MKLN1: variants seen among roughly 807,000 people sequenced by gnomAD.
The protein encoded by MKLN1 is muskelin.
In MKLN1, 18 loss-of-function variants were observed where a neutral mutation model predicts 99.0. That is an observed-to-expected ratio of 0.18 (90% CI 0.13 to 0.27). The LOEUF is 0.27. MKLN1 is among the 10% of genes least tolerant of loss of function. MKLN1 has a pLI of 1.00. For missense variants in MKLN1, 621 were observed against 875.9 expected, an observed-to-expected ratio of 0.71 and a Z score of 3.67; for synonymous variants, 288 against 293.2, an observed-to-expected ratio of 0.98 and a Z score of 0.18.
At chr7:131,263,871 G>A (rs1052557519) in intron 3 of MKLN1, among the ~76,000 whole-genome samples, 1 of 152,112 alleles carries the variant, frequency 6.6e-6, no homozygotes, top group Non-Finnish European at 1.5e-5. Context: ...CGCCCAGCCT[G>A]ATTGCACTTT....
chr7:131,364,930 TCTTTACGGTA>T (rs1367923700), intron 1 of MKLN1, among the ~76,000 whole-genome samples: 3 of 152,190 alleles, frequency 2.0e-5, no homozygotes, highest in Non-Finnish European at 2.9e-5. Flanking sequence ...TGTGCATGTG[TCTTTACGGTA>T]CTTTACGGTA....
intron 1 of MKLN1, among the ~76,000 whole-genome samples, chr7:131,128,881 T>C (rs1174204986): frequency 4.1e-5 from 6 of 147,000 alleles, no homozygotes; most frequent in African/African-American, 1.2e-4. Flanking sequence ...ACCACACGTG[T>C]GTGCCACCTC....
intron 2 of MKLN1, among the ~76,000 whole-genome samples, chr7:131,167,956 T>C (rs2116327584): frequency 6.6e-6 from 1 of 152,290 alleles, no homozygotes; most frequent in South Asian, 2.1e-4. Flanking sequence ...TATCTTTAAA[T>C]ATACACCTGA....
chr7:131,328,343 C>T (rs1798956318), intron 1 of MKLN1: 1 of 254,690 alleles, frequency 3.9e-6, no homozygotes, highest in Non-Finnish European at 7.7e-6. Flanking sequence ...TCGGAGTTGG[C>T]GGGGCCCTGC....
At chr7:131,470,059 G>T (rs924170765) in intron 15 of MKLN1, among the ~76,000 whole-genome samples, 74 of 151,960 alleles carry the variant, frequency 4.9e-4, no homozygotes, top group Admixed American at 5.9e-4. Context: ...TAGAGATGGG[G>T]TTTTGCCATG....
At chr7:131,356,672 G>A (rs1463326901) in intron 1 of MKLN1, among the ~76,000 whole-genome samples, 1 of 152,156 alleles carries the variant, frequency 6.6e-6, no homozygotes, top group Non-Finnish European at 1.5e-5. Context: ...GGGCAGTCTA[G>A]AGGTCCCCTG....
chr7:131,443,791 G>A (rs1017841887), intron 11 of MKLN1, 89 bp downstream of exon 11: 8 of 1,009,732 alleles, frequency 7.9e-6, no homozygotes, highest in South Asian at 6.9e-5. Context: ...TCTTTAGGAA[G>A]AGATTAGTGT....
intron 3 of MKLN1, among the ~76,000 whole-genome samples, chr7:131,237,831 G>A (rs574445817): frequency 6.6e-6 from 1 of 152,226 alleles, no homozygotes; most frequent in African/African-American, 2.4e-5. Flanking sequence ...TGTCATGGAA[G>A]GGATGGGAGT....
intron 8 of MKLN1, among the ~76,000 whole-genome samples, 157 bp from the exon 9 acceptor site, chr7:131,428,876 C>G (rs761579608): frequency 2.0e-5 from 3 of 151,952 alleles, no homozygotes; most frequent in Admixed American, 1.3e-4. Context: ...AAATATTAGT[C>G]TAGTATATAT....
chr7:131,366,983 G>A (rs1242196219), intron 1 of MKLN1, among the ~76,000 whole-genome samples: 1 of 152,070 alleles, frequency 6.6e-6, no homozygotes, highest in African/African-American at 2.4e-5. Context: ...CATTTAATTG[G>A]TAGTATATAC....
At chr7:131,118,901 T>C (rs571859627) in intron 1 of MKLN1, among the ~76,000 whole-genome samples, 1 of 152,302 alleles carries the variant, frequency 6.6e-6, no homozygotes, top group South Asian at 2.1e-4. Flanking sequence ...CAATTCAACA[T>C]GAGTTTTGGG....
intron 3 of MKLN1, among the ~76,000 whole-genome samples, chr7:131,241,281 G>T (rs2116494047): frequency 6.6e-6 from 1 of 151,338 alleles, no homozygotes; most frequent in South Asian, 2.1e-4. Context: ...GGGAGGCTGA[G>T]GCATGAGAAT....
intron 9 of MKLN1, among the ~76,000 whole-genome samples, chr7:131,435,696 A>AT: frequency 6.6e-6 from 1 of 152,014 alleles, no homozygotes; most frequent in East Asian, 1.9e-4. Flanking sequence ...TTTTGATAGT[A>AT]TTCTCTCTCT....
chr7:131,114,711 C>T (rs1338391762), intron 1 of MKLN1, among the ~76,000 whole-genome samples: 5 of 151,970 alleles, frequency 3.3e-5, no homozygotes, highest in African/African-American at 4.8e-5. Flanking sequence ...TTTGGAAGGC[C>T]GAGGTGAGCG....
chr7:131,461,103 C>T (rs748806496), intron 12 of MKLN1, among the ~76,000 whole-genome samples: 15 of 152,190 alleles, frequency 9.9e-5, no homozygotes, highest in Middle Eastern at 3.4e-3. Context: ...GTGTAACCTA[C>T]GCACATTCCC....
chr7:131,284,080 T>C (rs1303726951), intron 3 of MKLN1, among the ~76,000 whole-genome samples: 1 of 152,194 alleles, frequency 6.6e-6, no homozygotes, highest in Admixed American at 6.5e-5. Context: ...AATCATGATG[T>C]AAATCATGCC....
chr7:131,399,983 C>T (rs1794486983), intron 6 of MKLN1, among the ~76,000 whole-genome samples: 1 of 151,830 alleles, frequency 6.6e-6, no homozygotes, highest in African/African-American at 2.4e-5. Context: ...GGGTAACACT[C>T]ATTTGGATTT....
At position 131,437,927 on chromosome 7, in the gene MKLN1, C is replaced by G. The variant is rs1795721867; in HGVS notation, c.1103C>G (p.Thr368Arg). 6.2e-7 allele frequency: 1 copy of G among 1,613,886 alleles called. No individual in the cohort carries two copies. Among genetic ancestry groups the G allele is most frequent in the East Asian group, 2.2e-5 (1 of 44,866 alleles). ...GACTTCTATCGTTATGACATTGATA[C>G]AAACACATGGATGTTACTAAGTGAG... is the stretch of plus-strand genomic sequence containing the variant. The part of the protein sequence containing the change: ...KSDFYRYDID[T>R]NTWMLLSEDT... Residue 368 changes from threonine to arginine, a missense_variant, in exon 10 of 18, where the codon ACA (threonine) becomes AGA (arginine). Physicochemically the swap from Thr to Arg is moderately conservative, Grantham distance 71 (BLOSUM62 -1). This residue lies in a region of MKLN1 where 361 missense variants were observed against 540.8 expected (regional missense o/e 0.67). Coordinates refer to ENST00000352689, the MANE Select transcript of MKLN1 (RefSeq NM_013255.5).
chr7:131,180,528 G>A (rs1796363915), intron 2 of MKLN1, among the ~76,000 whole-genome samples: 1 of 151,960 alleles, frequency 6.6e-6, no homozygotes, highest in South Asian at 2.1e-4. Context: ...GTGAAACTCT[G>A]TCTCTACTAA....
Sources: gnomAD v4.1 joint callset for allele counts (sites outside exome capture counted in the v4.1 genomes callset) on GRCh38, gnomAD v4.1.1 for gene constraint, gnomAD v4.1.1 regional missense constraint, MANE v1.5 for transcripts, NCBI Gene and HGNC (gene_info 2026-07-23, HGNC 2026-07-21) for gene names.